Variants in AEBP2 observed in about 807,000 individuals in gnomAD.
AEBP2 encodes AE binding protein 2, also known as zinc finger protein AEBP2.
In AEBP2, 10 loss-of-function variants were observed where a neutral mutation model predicts 50.8. The ratio of observed to expected loss-of-function variants is 0.20; its 90% CI spans 0.12 to 0.33. The LOEUF is 0.33. Ranked by LOEUF, AEBP2 falls within the 10% of genes least tolerant of loss-of-function variation. AEBP2 has a pLI of 1.00. For missense variants in AEBP2, 570 were observed against 688.0 expected, an observed-to-expected ratio of 0.83 and a Z score of 1.92; for synonymous variants, 296 against 261.3, an observed-to-expected ratio of 1.13 and a Z score of -1.28.
chr12:19,451,475 G>C (rs1412310207), intron 1 of AEBP2, among the ~76,000 whole-genome samples: 3 of 152,110 alleles, frequency 2.0e-5, no homozygotes, highest in Non-Finnish European at 4.4e-5. Context: ...CTTAAATGGT[G>C]GTTGAAGACT....
intron 5 of AEBP2, among the ~76,000 whole-genome samples, chr12:19,507,579 GTCCA>G (rs755970510): frequency 1.4e-3 from 206 of 152,298 alleles, no homozygotes; most frequent in Non-Finnish European, 2.4e-3. Flanking sequence ...AATGAGTGAT[GTCCA>G]CCCTTAAGTC....
intron 3 of AEBP2, among the ~76,000 whole-genome samples, chr12:19,473,628 A>T (rs56695098): frequency 0.065 from 9,874 of 151,666 alleles, 748 homozygotes; most frequent in East Asian, 0.19. Context: ...ATGGTCTTGA[A>T]CTCTTGACCT....
At position 19,457,450 on chromosome 12, in the gene AEBP2, G is replaced by A. The variant is rs531825476; in HGVS notation, c.672-5060G>A. The A allele has an allele frequency of 3.1e-5, 47 of 1,520,438 alleles. No homozygotes were observed. The East Asian group carries it at 4.5e-4, about 15-fold the overall frequency. The allele number at this position is 1,520,438 out of a possible 1,614,324, so 94.2% of individuals were successfully genotyped here. A position where few individuals can be genotyped will look rare whatever the true frequency, so the allele number is the denominator to read the frequency against. The stretch of plus-strand genomic sequence containing the variant: ...GTATTAATGGTGATACCACGTTCAC[G>A]CTCAGCTTTCAGTTTATCCAAGACC... On this transcript the variant is annotated intron_variant, in intron 1 of 7. Transcript: ENST00000266508.
At chr12:19,445,013 G>A (rs74234805) in intron 1 of AEBP2, among the ~76,000 whole-genome samples, 7,299 of 151,608 alleles carry the variant, frequency 0.048, 391 homozygotes, top group Admixed American at 0.15. Flanking sequence ...CAGGCACCTG[G>A]CCCAACAGTA....
intron 4 of AEBP2, among the ~76,000 whole-genome samples, chr12:19,497,614 C>T (rs925173349): frequency 1.1e-4 from 17 of 151,922 alleles, no homozygotes; most frequent in Admixed American, 1.1e-3. Flanking sequence ...CTGGGACTAC[C>T]GGCACACACT....
chr12:19,495,770 C>T (rs1948968989), intron 4 of AEBP2, among the ~76,000 whole-genome samples: 1 of 151,986 alleles, frequency 6.6e-6, no homozygotes, highest in Non-Finnish European at 1.5e-5. Context: ...TCTTGAACTC[C>T]TGGGCTCAAG....
At chr12:19,416,371 T>A (rs1253421176) in intron 1 of AEBP2, among the ~76,000 whole-genome samples, 1 of 152,118 alleles carries the variant, frequency 6.6e-6, no homozygotes, top group African/African-American at 2.4e-5. Flanking sequence ...CTATTATAAA[T>A]AATCTGAGAT....
chr12:19,426,878 G>T (rs2095748803), intron 1 of AEBP2, among the ~76,000 whole-genome samples: 1 of 152,090 alleles, frequency 6.6e-6, no homozygotes. Context: ...TTCAGCGTGG[G>T]CAACAGAGCG....
At chr12:19,440,580 C>T (rs1453602295) in intron 1 of AEBP2, 3 of 1,446,772 alleles carry the variant, frequency 2.1e-6, no homozygotes, top group Non-Finnish European at 2.7e-6. Flanking sequence ...CGTTCCCCCC[C>T]AACTCTCCTT....
intron 2 of AEBP2, among the ~76,000 whole-genome samples, chr12:19,464,109 G>T (rs1410837014): frequency 6.6e-6 from 1 of 152,198 alleles, no homozygotes; most frequent in Non-Finnish European, 1.5e-5. Context: ...TGAGTAACCA[G>T]TAAAATGTTA....
chr12:19,501,469 T>C (rs891289003), intron 5 of AEBP2, among the ~76,000 whole-genome samples: 3 of 152,002 alleles, frequency 2.0e-5, no homozygotes, highest in African/African-American at 7.2e-5. Context: ...TCCCTGTCTC[T>C]ACAAAAACAT....
At chr12:19,424,396 C>CTTTT (rs529252995) in intron 1 of AEBP2, among the ~76,000 whole-genome samples, 2 of 151,586 alleles carry the variant, frequency 1.3e-5, no homozygotes, top group Non-Finnish European at 1.5e-5. Flanking sequence ...GCTAAGATGT[C>CTTTT]TTTTTTTCTT....
chr12:19,496,275 T>C lies in AEBP2; in HGVS notation c.1174+2289T>C, dbSNP rs1250418389. Among the ~76,000 whole-genome samples, 5 of 152,318 alleles carry C rather than the reference T, an allele frequency of 3.3e-5. No homozygotes were observed. In the East Asian group the frequency reaches 5.8e-4, roughly 18 times the overall value. On this transcript the variant is annotated intron_variant, in intron 4 of 7. Coordinates refer to ENST00000266508, the MANE Select transcript of AEBP2 (RefSeq NM_153207.5). Reference sequence around the variant, plus strand: ...TTTGACGGTGGTGTTTTTCCTCATATTAACTTAGCTAGTAAGGCAGGCTGC... The same window carrying C: ...TTTGACGGTGGTGTTTTTCCTCATACTAACTTAGCTAGTAAGGCAGGCTGC...
At chr12:19,468,088 G>GT (rs1948509722) in intron 2 of AEBP2, among the ~76,000 whole-genome samples, 1 of 150,022 alleles carries the variant, frequency 6.7e-6, no homozygotes, top group East Asian at 2.0e-4. Flanking sequence ...GGGCTTGGTG[G>GT]TACCGTGGAA....
intron 1 of AEBP2, among the ~76,000 whole-genome samples, chr12:19,426,274 G>C (rs2095748499): frequency 1.3e-5 from 2 of 152,066 alleles, no homozygotes. Context: ...TGACTAGAGG[G>C]CACATGATAC....
chr12:19,482,947 A>C (rs961974188), intron 3 of AEBP2, among the ~76,000 whole-genome samples: 1 of 152,044 alleles, frequency 6.6e-6, no homozygotes, highest in Non-Finnish European at 1.5e-5. Context: ...CCCTTGGTGT[A>C]CTGCTCAGAC....
chr12:19,513,803 G>A (rs1777322802), intron 6 of AEBP2, among the ~76,000 whole-genome samples: 1 of 151,264 alleles, frequency 6.6e-6, no homozygotes, highest in Admixed American at 6.6e-5. Flanking sequence ...TAATGTTTTG[G>A]AAATTGATTA....
intron 1 of AEBP2, among the ~76,000 whole-genome samples, chr12:19,407,031 G>T (rs2095736662): frequency 6.6e-6 from 1 of 152,050 alleles, no homozygotes; most frequent in South Asian, 2.1e-4. Context: ...ATTGGGCATG[G>T]TGTCTCACAC....
chr12:19,497,660 A>T (rs190606689), intron 4 of AEBP2, among the ~76,000 whole-genome samples: 1 of 152,054 alleles, frequency 6.6e-6, no homozygotes, highest in African/African-American at 2.4e-5. Flanking sequence ...TTTAGTAGAG[A>T]TGGGGTTTTA....
Sources: allele counts gnomAD v4.1 joint callset (sites outside exome capture counted in the v4.1 genomes callset), GRCh38; gene constraint gnomAD v4.1.1; transcripts MANE v1.5; gene names NCBI Gene and HGNC (gene_info 2026-07-23, HGNC 2026-07-21).